The following CRTAC1 variants were observed in gnomAD, a reference collection of about 807,000 sequenced individuals.
CRTAC1 encodes the protein cartilage acidic protein 1.
In CRTAC1, 37 loss-of-function variants were observed where a neutral mutation model predicts 67.8. The ratio of observed to expected loss-of-function variants is 0.55; its 90% CI spans 0.42 to 0.72. The LOEUF (loss-of-function observed/expected upper bound fraction) is 0.72, where lower values mean the gene tolerates loss of function less well. Ranked by LOEUF, CRTAC1 falls within the 30% of genes least tolerant of loss-of-function variation. The pLI is 0.00. For synonymous variants in CRTAC1, 348 were observed against 371.0 expected (o/e 0.94, Z 0.71); for missense variants, 780 against 931.6 (o/e 0.84, Z 2.12).
chr10:97,989,475 A>G (rs1350732309), intron 2 of CRTAC1, among the ~76,000 whole-genome samples: 1 of 152,198 alleles, frequency 6.6e-6, no homozygotes, highest in Non-Finnish European at 1.5e-5. Context: ...CTAGGCTACA[A>G]ACCTGCACAG....
intron 3 of CRTAC1, among the ~76,000 whole-genome samples, chr10:97,933,243 G>A (rs2051028810): frequency 6.6e-6 from 1 of 152,220 alleles, no homozygotes; most frequent in South Asian, 2.1e-4. Flanking sequence ...AACTAAAACC[G>A]ACAGACATCC....
intron 13 of CRTAC1, among the ~76,000 whole-genome samples, chr10:97,880,649 G>A (rs562472014): frequency 1.3e-5 from 2 of 152,224 alleles, no homozygotes; most frequent in Admixed American, 6.5e-5. Context: ...CTTCATGCAT[G>A]GATGATTCCG....
chr10:97,883,070 A>T (rs551470555), intron 12 of CRTAC1, among the ~76,000 whole-genome samples: 2 of 152,210 alleles, frequency 1.3e-5, no homozygotes, highest in Non-Finnish European at 2.9e-5. Flanking sequence ...TGTGCAAAGG[A>T]TCCACACGAG....
chr10:97,973,595 C>G (rs1171292668), intron 2 of CRTAC1, among the ~76,000 whole-genome samples: 1 of 152,140 alleles, frequency 6.6e-6, no homozygotes, highest in Non-Finnish European at 1.5e-5. Flanking sequence ...AGAGCCCCAC[C>G]ACTACCAACC....
At chr10:97,929,515 A>G (rs975587709) in intron 3 of CRTAC1, among the ~76,000 whole-genome samples, 1 of 152,192 alleles carries the variant, frequency 6.6e-6, no homozygotes, top group African/African-American at 2.4e-5. Flanking sequence ...AAGGGTGGGC[A>G]GGTTTGTGTG....
intron 2 of CRTAC1, among the ~76,000 whole-genome samples, chr10:97,984,431 A>C (rs2051947480): frequency 6.6e-6 from 1 of 152,190 alleles, no homozygotes; most frequent in Non-Finnish European, 1.5e-5. Flanking sequence ...ATGCCACATT[A>C]TTTGGAATAA....
intron 1 of CRTAC1, among the ~76,000 whole-genome samples, chr10:98,014,319 C>T (rs505699): frequency 0.27 from 40,678 of 151,954 alleles, 5,714 homozygotes; most frequent in Non-Finnish European, 0.32. Flanking sequence ...TATTCCAATG[C>T]GTGTTAAAAT....
Position 97,960,165 on chromosome 10 carries a change from C to T in CRTAC1, c.225-23799G>A, listed in dbSNP as rs553569079. Among the ~76,000 whole-genome samples the T allele has an allele frequency of 3.3e-5, 5 of 152,362 alleles. No individual in the cohort carries two copies. The East Asian group carries it at 9.6e-4, about 29-fold the overall frequency. ...AGACATCAGCCAAAGGGCAACCTTG[C>T]AAGCAGGTCTTTCTGGGGATAGCGG... On this transcript the variant is annotated intron_variant, in intron 2 of 14. Coordinates refer to ENST00000370597, the MANE Select transcript of CRTAC1 (RefSeq NM_018058.7).
chr10:97,865,708 A>G lies in CRTAC1; in HGVS notation c.1826T>C (p.Leu609Pro). Residue 609 changes from leucine to proline, a missense_variant, in exon 15 of 15, where the codon CTC becomes CCC. By Grantham distance (98) the Leu-to-Pro change is moderately conservative. Coordinates refer to ENST00000370597, the MANE Select transcript of CRTAC1 (RefSeq NM_018058.7). ...NEDGTACVGT[L>P]GQSPGPRPTT... ...GGGGCGGGGGCCCGGTGACTGGCCGAGAGTCCCTGTAGGGAGGTGTATGGC... is the reference window on the plus strand; with the variant it reads ...GGGGCGGGGGCCCGGTGACTGGCCGGGAGTCCCTGTAGGGAGGTGTATGGC... The G allele has an allele frequency of 6.2e-7, 1 of 1,602,458 alleles. No individual in the cohort carries two copies. The highest frequency in any genetic ancestry group is 8.5e-7 in the Non-Finnish European group (1 of 1,174,808).
chr10:97,936,399 G>A (rs1414960968), intron 2 of CRTAC1, 33 bp from the exon 3 acceptor site: 1 of 1,562,156 alleles, frequency 6.4e-7, no homozygotes, highest in Non-Finnish European at 8.8e-7. Flanking sequence ...ATGCTGGGGA[G>A]GAGCCGCTGG....
rs142808767 is a variant in CRTAC1, at chr10:97,904,995, G to T, written c.851-181C>A. 2.3e-3 allele frequency among the ~76,000 whole-genome samples: 357 copies of T among 152,228 alleles called. 2 individuals carry two copies. Among genetic ancestry groups the T allele is most frequent in the African/African-American group, 8.3e-3 (344 of 41,528 alleles). On this transcript the variant is annotated intron_variant, in intron 6 of 14. Coordinates refer to ENST00000370597, the MANE Select transcript of CRTAC1 (RefSeq NM_018058.7). Reference sequence around the variant, plus strand: ...CTCTATAGGGGCAGGAAGTGGGACAGTCATGTGCTTGAAAAGAAGACCCAA... The same window carrying T: ...CTCTATAGGGGCAGGAAGTGGGACATTCATGTGCTTGAAAAGAAGACCCAA...
At chr10:97,965,852 A>G (rs992822530) in intron 2 of CRTAC1, among the ~76,000 whole-genome samples, 8 of 152,146 alleles carry the variant, frequency 5.3e-5, no homozygotes, top group Non-Finnish European at 1.0e-4. Flanking sequence ...GTGACTGAAG[A>G]AGGGTGGTCT....
intron 2 of CRTAC1, among the ~76,000 whole-genome samples, chr10:97,955,338 G>A (rs191862702): frequency 3.9e-4 from 59 of 152,280 alleles, no homozygotes; most frequent in African/African-American, 1.4e-3. Flanking sequence ...ACTTGGATCT[G>A]ATTTCTATGT....
At chr10:97,978,374 GT>G (rs1564920780) in intron 2 of CRTAC1, among the ~76,000 whole-genome samples, 3 of 152,020 alleles carry the variant, frequency 2.0e-5, no homozygotes, top group South Asian at 2.1e-4. Context: ...CTCCACCTCA[GT>G]TTTTTTCATA....
chr10:97,985,072 G>A (rs1024537340), intron 2 of CRTAC1, among the ~76,000 whole-genome samples: 1 of 152,208 alleles, frequency 6.6e-6, no homozygotes, highest in Non-Finnish European at 1.5e-5. Flanking sequence ...AACTTCCAGG[G>A]ATTGTTTCGG....
At chr10:97,979,994 CG>C (rs1046533010) in intron 2 of CRTAC1, among the ~76,000 whole-genome samples, 195 of 152,312 alleles carry the variant, frequency 1.3e-3, no homozygotes, top group Middle Eastern at 6.8e-3. Context: ...AACAAACGCC[CG>C]GGGCCACTCT....
rs1455879666 is a variant in CRTAC1, at chr10:97,884,189, C to T, written c.1632+17G>A. 4 of 1,559,144 alleles carry T rather than the reference C, an allele frequency of 2.6e-6. No individual in the cohort carries two copies. The highest frequency in any genetic ancestry group is 2.6e-6 in the Non-Finnish European group (3 of 1,150,808). On this transcript the variant is annotated intron_variant, in intron 12 of 14. Transcript: ENST00000370597. Reference sequence around the variant, plus strand: ...TGCCCGCTTTTCTGGCTATGAGGCCCAGATGCCTTTGCCCACCTCCAGTGG... The same window carrying T: ...TGCCCGCTTTTCTGGCTATGAGGCCTAGATGCCTTTGCCCACCTCCAGTGG...
chr10:97,884,129 G>C, intron 12 of CRTAC1, 77 bp downstream of exon 12: 3 of 1,494,940 alleles, frequency 2.0e-6, no homozygotes, highest in African/African-American at 2.8e-5. Context: ...GCAGATTCCT[G>C]GGAACCCAGC....
intron 2 of CRTAC1, among the ~76,000 whole-genome samples, chr10:97,943,398 T>C (rs540099394): frequency 2.6e-5 from 4 of 152,344 alleles, no homozygotes; most frequent in African/African-American, 9.6e-5. Context: ...GAGAGACCCC[T>C]AGAAAGTCTC....
Sources: gnomAD v4.1 joint callset for allele counts (sites outside exome capture counted in the v4.1 genomes callset) on GRCh38, gnomAD v4.1.1 for gene constraint, MANE v1.5 for transcripts, NCBI Gene and HGNC (gene_info 2026-07-23, HGNC 2026-07-21) for gene names.